Variants in ATP8A2 observed in about 807,000 individuals in gnomAD.
The protein encoded by ATP8A2 is ATPase phospholipid transporting 8A2.
In ATP8A2, 100 loss-of-function variants were observed where a neutral mutation model predicts 165.6. The ratio of observed to expected loss-of-function variants is 0.60; its 90% CI spans 0.51 to 0.71. The LOEUF (loss-of-function observed/expected upper bound fraction) is 0.71. Ranked by LOEUF, ATP8A2 falls within the 30% of genes least tolerant of loss-of-function variation. The probability of loss-of-function intolerance (pLI) is 0.00; values close to 1 mark genes in which losing one functional copy is unlikely to be tolerated. For missense variants in ATP8A2, 1,227 were observed against 1,479.5 expected (o/e 0.83, Z 2.80); for synonymous variants, 543 against 548.8 (o/e 0.99, Z 0.15).
chr13:25,961,755 G>T, intron 34 of ATP8A2, 92 bp downstream of exon 34: 1 of 1,011,318 alleles, frequency 9.9e-7, no homozygotes, highest in South Asian at 1.5e-5. Flanking sequence ...GTATGAGAAT[G>T]ACAGGAATTC....
At chr13:25,563,866 G>A (rs542729204) in intron 15 of ATP8A2, 90 bp from the exon 16 acceptor site, 3 of 845,200 alleles carry the variant, frequency 3.5e-6, no homozygotes, top group Non-Finnish European at 6.0e-6. Flanking sequence ...CTTTAGGTAT[G>A]GTTCTTCTTG....
intron 33 of ATP8A2, among the ~76,000 whole-genome samples, chr13:25,960,786 CA>C (rs2139183051): frequency 6.6e-6 from 1 of 152,280 alleles, no homozygotes; most frequent in East Asian, 1.9e-4. Flanking sequence ...CTCTGATCCC[CA>C]AAACCCTCTC....
intron 24 of ATP8A2, among the ~76,000 whole-genome samples, chr13:25,659,926 G>C (rs1365247589): frequency 1.3e-5 from 2 of 152,266 alleles, no homozygotes; most frequent in Non-Finnish European, 2.9e-5. Flanking sequence ...AAATTACTAA[G>C]AGCCAAGCTA....
chr13:25,988,283 C>A (rs567297603), intron 35 of ATP8A2, among the ~76,000 whole-genome samples: 1 of 152,360 alleles, frequency 6.6e-6, no homozygotes, highest in African/African-American at 2.4e-5. Context: ...TGCGAAGACG[C>A]TGGGCACCAG....
At chr13:25,977,064 T>G (rs1183396700) in intron 35 of ATP8A2, among the ~76,000 whole-genome samples, 4 of 66,808 alleles carry the variant, frequency 6.0e-5, no homozygotes, top group African/African-American at 2.5e-4. Flanking sequence ...GCCCTCGGCC[T>G]CCTAAAGTGC....
At chr13:25,702,407 C>T (rs1279486753) in intron 25 of ATP8A2, among the ~76,000 whole-genome samples, 2 of 152,008 alleles carry the variant, frequency 1.3e-5, no homozygotes, top group African/African-American at 2.4e-5. Flanking sequence ...TTTCTGTACC[C>T]GAATATTTTC....
At chr13:25,763,879 A>G (rs2044436275) in intron 25 of ATP8A2, among the ~76,000 whole-genome samples, 1 of 152,222 alleles carries the variant, frequency 6.6e-6, no homozygotes, top group Admixed American at 6.5e-5. Context: ...CCATGGAGGC[A>G]TTTAATAAAT....
chr13:25,592,223 AT>A (rs2138312743), intron 24 of ATP8A2, among the ~76,000 whole-genome samples: 1 of 150,696 alleles, frequency 6.6e-6, no homozygotes, highest in Admixed American at 6.6e-5. Context: ...TTTCAGTGTT[AT>A]GACATAATTT....
intron 1 of ATP8A2, among the ~76,000 whole-genome samples, chr13:25,467,797 C>T (rs1275036476): frequency 6.6e-6 from 1 of 152,032 alleles, no homozygotes; most frequent in East Asian, 1.9e-4. Flanking sequence ...GTGATCCGCC[C>T]GCTTCGGCCT....
Position 26,018,611 on chromosome 13 carries a change from C to T in ATP8A2, c.3470-1277C>T, listed in dbSNP as rs939135921. ...GTGGGACTTTTCCAGACCCCTGACA[C>T]AGAAGGGTTAGCCAATGGAGAGCAG... is the stretch of plus-strand genomic sequence containing the variant. On this transcript the variant is annotated intron_variant, in intron 36 of 36. Transcript: ENST00000381655. Among the ~76,000 whole-genome samples, 3 of 152,308 alleles carry T rather than the reference C, an allele frequency of 2.0e-5. No individual in the cohort carries two copies. In the South Asian group the frequency reaches 6.2e-4, roughly 32 times the overall value.
chr13:25,864,083 G>C (rs1952433203), intron 33 of ATP8A2, among the ~76,000 whole-genome samples: 1 of 152,200 alleles, frequency 6.6e-6, no homozygotes, highest in Non-Finnish European at 1.5e-5. Flanking sequence ...CCATTGGTAA[G>C]GCATTGGTGC....
intron 2 of ATP8A2, among the ~76,000 whole-genome samples, chr13:25,475,506 G>A (rs1021453613): frequency 1.3e-5 from 2 of 152,164 alleles, no homozygotes; most frequent in Non-Finnish European, 2.9e-5. Flanking sequence ...TATGGTAGTA[G>A]GACTTATGTT....
At chr13:25,559,154 T>G (rs2039069126) in intron 14 of ATP8A2, 93 bp downstream of exon 14, 1 of 862,376 alleles carries the variant, frequency 1.2e-6, no homozygotes. Flanking sequence ...CTTGACTTTC[T>G]GATGTTTTGA....
chr13:25,615,407 A>G (rs1164022513), intron 24 of ATP8A2, among the ~76,000 whole-genome samples: 1 of 151,978 alleles, frequency 6.6e-6, no homozygotes, highest in Non-Finnish European at 1.5e-5. Flanking sequence ...CCCAAATGGC[A>G]CTAAGTTTAT....
At chr13:25,744,578 A>G (rs1236427817) in intron 25 of ATP8A2, among the ~76,000 whole-genome samples, 2 of 152,220 alleles carry the variant, frequency 1.3e-5, no homozygotes, top group Non-Finnish European at 1.5e-5. Context: ...AAAAATAATT[A>G]GGAAGTAATA....
At chr13:25,738,351 C>CT (rs1566092322) in intron 25 of ATP8A2, among the ~76,000 whole-genome samples, 1 of 79,176 alleles carries the variant, frequency 1.3e-5, no homozygotes, top group Non-Finnish European at 3.0e-5. Flanking sequence ...CCCCCCCCCC[C>CT]ACACACACTT....
intron 25 of ATP8A2, among the ~76,000 whole-genome samples, chr13:25,745,735 G>A (rs1378584469): frequency 6.6e-6 from 1 of 152,158 alleles, no homozygotes; most frequent in Non-Finnish European, 1.5e-5. Flanking sequence ...ATGAAATAAA[G>A]GCCAGGATTG....
intron 24 of ATP8A2, among the ~76,000 whole-genome samples, chr13:25,640,753 A>G (rs968379434): frequency 1.2e-4 from 18 of 152,344 alleles, no homozygotes; most frequent in African/African-American, 4.1e-4. Context: ...AATTCATTTT[A>G]TGAGGCCAGC....
chr13:25,992,218 CTTT>C (rs560341350), intron 35 of ATP8A2, among the ~76,000 whole-genome samples: 14 of 120,526 alleles, frequency 1.2e-4, no homozygotes, highest in African/African-American at 3.4e-4. Flanking sequence ...CAGTGCTGTC[CTTT>C]TTTTTTTTTT....
Sources: gnomAD v4.1 joint callset for allele counts (sites outside exome capture counted in the v4.1 genomes callset) on GRCh38, gnomAD v4.1.1 for gene constraint, MANE v1.5 for transcripts, NCBI Gene and HGNC (gene_info 2026-07-23, HGNC 2026-07-21) for gene names.